Variants in EPHA6 observed in about 807,000 individuals in gnomAD.
The protein encoded by EPHA6 is ephrin type-A receptor 6.
EPHA6 carries 50 observed loss-of-function variants against 112.0 expected under a neutral mutation model. The ratio of observed to expected loss-of-function variants is 0.45; its 90% CI spans 0.36 to 0.56. The LOEUF (loss-of-function observed/expected upper bound fraction) is 0.56. Ranked by LOEUF, EPHA6 falls within the 20% of genes least tolerant of loss-of-function variation. EPHA6 has a pLI of 0.00. For synonymous variants in EPHA6, 529 were observed against 490.7 expected (o/e 1.08, Z -1.03); for missense variants, 1,280 against 1,417.4 (o/e 0.90, Z 1.56).
chr3:97,344,591 A>T (rs2083450847), intron 5 of EPHA6, among the ~76,000 whole-genome samples: 1 of 152,164 alleles, frequency 6.6e-6, no homozygotes, highest in African/African-American at 2.4e-5. Flanking sequence ...CCTCAGACTT[A>T]CACCCCCCAG....
At chr3:96,870,042 A>G (rs1352789046) in intron 2 of EPHA6, among the ~76,000 whole-genome samples, 2 of 152,124 alleles carry the variant, frequency 1.3e-5, no homozygotes, top group Admixed American at 6.6e-5. Context: ...AATTGGTATT[A>G]GGAAACTTAC....
intron 1 of EPHA6, among the ~76,000 whole-genome samples, chr3:96,837,371 G>A (rs1187711565): frequency 6.6e-6 from 1 of 152,088 alleles, no homozygotes; most frequent in Non-Finnish European, 1.5e-5. Context: ...GCTTCTCACA[G>A]GACATAATGT....
intron 14 of EPHA6, among the ~76,000 whole-genome samples, chr3:97,662,056 T>C (rs187039462): frequency 1.1e-4 from 16 of 152,302 alleles, no homozygotes; most frequent in Admixed American, 2.6e-4. Flanking sequence ...GGCTTCCTTA[T>C]AGGTCCTAGT....
At chr3:97,592,570 T>C (rs769329660) in intron 11 of EPHA6, 42 bp from the exon 12 acceptor site, 6 of 1,609,130 alleles carry the variant, frequency 3.7e-6, no homozygotes, top group Non-Finnish European at 5.1e-6. Context: ...TGCTTTTCCA[T>C]AAAGAAGACT....
chr3:97,268,117 G>C (rs999755644), intron 5 of EPHA6, among the ~76,000 whole-genome samples: 3 of 152,266 alleles, frequency 2.0e-5, no homozygotes, highest in East Asian at 1.9e-4. Flanking sequence ...AAAGATGCCA[G>C]CTACACCTCC....
intron 3 of EPHA6, among the ~76,000 whole-genome samples, chr3:97,006,058 G>A (rs1462851186): frequency 2.0e-5 from 3 of 152,132 alleles, no homozygotes; most frequent in African/African-American, 7.2e-5. Flanking sequence ...TGTTCATCAG[G>A]GATATTGGCC....
At chr3:97,422,447 T>G (rs1359338164) in intron 6 of EPHA6, among the ~76,000 whole-genome samples, 1 of 152,134 alleles carries the variant, frequency 6.6e-6, no homozygotes, top group Non-Finnish European at 1.5e-5. Flanking sequence ...GTACCCAGAT[T>G]CATAAAACAG....
In EPHA6 at chr3:97,420,846, CAAA is replaced by C. The variant is rs148265178; in HGVS notation, c.1731+15582_1731+15584del. 6.6e-3 allele frequency among the ~76,000 whole-genome samples: 854 copies of C among 129,074 alleles called. 11 individuals are homozygous for C. The highest frequency in any genetic ancestry group is 0.021 in the African/African-American group (821 of 38,272). 84.7% of individuals were successfully genotyped at this position (129,074 alleles called of 152,430 possible). The stretch of plus-strand genomic sequence containing the variant: ...AAGTATAGAAAAAAAGACAAACAGA[CAAA>C]AAAAAAAAATAGGGCCAAATTTGGA... On this transcript the variant is annotated intron_variant, in intron 6 of 17. Coordinates refer to ENST00000389672, the MANE Select transcript of EPHA6 (RefSeq NM_001080448.3).
At chr3:97,583,027 G>A (rs2093454071) in intron 11 of EPHA6, among the ~76,000 whole-genome samples, 1 of 149,982 alleles carries the variant, frequency 6.7e-6, no homozygotes. Flanking sequence ...CAAACAGGCA[G>A]ATGCAGCCTG....
At chr3:96,923,500 GT>G (rs1479828111) in intron 2 of EPHA6, among the ~76,000 whole-genome samples, 8 of 150,500 alleles carry the variant, frequency 5.3e-5, no homozygotes, top group African/African-American at 2.0e-4. Flanking sequence ...TTTTCCTTTA[GT>G]TTCTTTAAAT....
chr3:96,850,472 G>A (rs942432016), intron 1 of EPHA6, among the ~76,000 whole-genome samples: 6 of 152,112 alleles, frequency 3.9e-5, no homozygotes, highest in African/African-American at 1.4e-4. Flanking sequence ...GTGATCTTAA[G>A]ACGTGAGGAA....
intron 10 of EPHA6, among the ~76,000 whole-genome samples, chr3:97,495,357 C>A (rs1368620362): frequency 3.3e-5 from 5 of 150,326 alleles, no homozygotes; most frequent in Admixed American, 3.3e-4. Context: ...ATATGTAATA[C>A]CTATATAAAT....
At chr3:97,674,105 A>G (rs1005255097) in intron 14 of EPHA6, among the ~76,000 whole-genome samples, 1 of 152,210 alleles carries the variant, frequency 6.6e-6, no homozygotes, top group Non-Finnish European at 1.5e-5. Flanking sequence ...ATAAAAACTG[A>G]AATGATTAGG....
At chr3:96,984,804 G>A (rs1422611996) in intron 2 of EPHA6, among the ~76,000 whole-genome samples, 2 of 152,190 alleles carry the variant, frequency 1.3e-5, no homozygotes, top group Non-Finnish European at 2.9e-5. Flanking sequence ...TCAGACTGCT[G>A]TGCTAGCAAT....
At chr3:97,097,591 A>G (rs2047279123) in intron 3 of EPHA6, among the ~76,000 whole-genome samples, 2 of 151,752 alleles carry the variant, frequency 1.3e-5, no homozygotes, top group Non-Finnish European at 2.9e-5. Flanking sequence ...CTTTCATTGT[A>G]TAGCTTTATA....
chr3:97,502,166 G>A (rs1577594148), intron 10 of EPHA6, among the ~76,000 whole-genome samples: 1 of 141,588 alleles, frequency 7.1e-6, no homozygotes, highest in East Asian at 2.1e-4. Flanking sequence ...GTAACTACCT[G>A]CTTTTTTTTT....
intron 3 of EPHA6, among the ~76,000 whole-genome samples, chr3:97,040,129 A>C (rs1290415064): frequency 6.6e-6 from 1 of 151,406 alleles, no homozygotes; most frequent in Admixed American, 6.6e-5. Flanking sequence ...TAATGATAGT[A>C]ATTTTGCTAT....
intron 3 of EPHA6, among the ~76,000 whole-genome samples, chr3:97,117,724 G>C (rs919150724): frequency 1.3e-5 from 2 of 151,580 alleles, no homozygotes; most frequent in African/African-American, 2.4e-5. Context: ...CTTTATCTTT[G>C]AATCAAGATT....
chr3:97,202,475 G>A (rs940749499), intron 3 of EPHA6, among the ~76,000 whole-genome samples: 1 of 151,762 alleles, frequency 6.6e-6, no homozygotes, highest in Admixed American at 6.6e-5. Flanking sequence ...GAGATTATAG[G>A]TACCTGCCTC....
Sources: allele counts gnomAD v4.1 joint callset (sites outside exome capture counted in the v4.1 genomes callset), GRCh38; gene constraint gnomAD v4.1.1; transcripts MANE v1.5; gene names NCBI Gene and HGNC (gene_info 2026-07-23, HGNC 2026-07-21).